The following ANKRD7 variants were observed in gnomAD, a reference collection of about 807,000 sequenced individuals.
ANKRD7 encodes ankyrin repeat domain 7, also known as ankyrin repeat domain-containing protein 7.
A neutral mutation model predicts 30.8 loss-of-function variants in ANKRD7; 30 were observed. The observed-to-expected ratio is 0.97, with a 90% confidence interval of 0.73 to 1.32. The LOEUF (loss-of-function observed/expected upper bound fraction) is 1.32. ANKRD7 is among the 40% of genes most tolerant of loss of function. The pLI is 0.00. For synonymous variants in ANKRD7, 97 were observed against 106.6 expected (o/e 0.91, Z 0.55); for missense variants, 264 against 295.7 (o/e 0.89, Z 0.79).
chr7:118,239,959 T>C lies in ANKRD7; in HGVS notation c.763T>C (p.Ter255GlnextTer9). 1.3e-6 allele frequency: 2 copies of C among 1,592,980 alleles called. No homozygotes were observed. Among genetic ancestry groups the C allele is most frequent in the Non-Finnish European group, 1.7e-6 (2 of 1,167,076 alleles). The part of the protein sequence containing the change: ...ASHGKKKHAK[*>Q] ...CCATGGAAAGAAGAAACATGCTAAA[T>C]AGACACCTTATTCTTGGCACTACAT... The change falls in exon 6 of 7, where the codon TAG becomes CAG. Residue 255 changes from the stop codon to glutamine (Q), a stop_lost. Transcript: ENST00000265224.
chr7:118,227,469 A>T (rs891658323), intron 1 of ANKRD7, among the ~76,000 whole-genome samples: 1 of 152,074 alleles, frequency 6.6e-6, no homozygotes, highest in Admixed American at 6.6e-5. Flanking sequence ...CTGGTTTTGT[A>T]TTCGCTCAGG....
chr7:118,226,887 C>T (rs1008703086), intron 1 of ANKRD7, among the ~76,000 whole-genome samples: 1 of 152,098 alleles, frequency 6.6e-6, no homozygotes, highest in African/African-American at 2.4e-5. Flanking sequence ...AGTTCAAACA[C>T]CTGCTGTTCA....
chr7:118,224,749 T>TG lies in ANKRD7; in HGVS notation c.-81dup, dbSNP rs1256904474. On this transcript the variant is annotated 5_prime_UTR_variant, in exon 1 of 7. It removes the in-frame stop codon of an upstream open reading frame in the 5' UTR. Coordinates refer to ENST00000265224, the MANE Select transcript of ANKRD7 (RefSeq NM_019644.4). ...GTACTGGAGAGGGCTGCCGGCCGGA[T>TG]GCCAGGGCAGAGGGGCAGGGCGGAC... is the stretch of plus-strand genomic sequence containing the variant. 11 of 1,528,022 alleles carry TG rather than the reference T, an allele frequency of 7.2e-6. No individual in the cohort carries two copies. The highest frequency in any genetic ancestry group is 7.9e-6 in the Non-Finnish European group (9 of 1,142,966). The allele number at this position is 1,528,022 out of a possible 1,614,324, so 94.7% of individuals were successfully genotyped here.
rs1809689091 is a variant in ANKRD7, at chr7:118,234,295, T to C, written c.180-136T>C. Reference sequence around the variant, plus strand: ...CAATAAAATGTAATTGTAATTAATGTACATTTGTTTAAATAGAAATATGTG... The same window carrying C: ...CAATAAAATGTAATTGTAATTAATGCACATTTGTTTAAATAGAAATATGTG... On this transcript the variant is annotated intron_variant, in intron 1 of 6. Coordinates refer to ENST00000265224, the MANE Select transcript of ANKRD7 (RefSeq NM_019644.4). The C allele has an allele frequency of 8.7e-6, 4 of 460,546 alleles. No individual in the cohort carries two copies. The East Asian group carries it at 1.3e-4, about 15-fold the overall frequency. The allele number at this position is 460,546 out of a possible 1,614,324, so 28.5% of individuals were successfully genotyped here.
intron 1 of ANKRD7, 134 bp downstream of exon 1, chr7:118,225,143 C>A (rs1167307914): frequency 2.9e-6 from 3 of 1,032,178 alleles, no homozygotes; most frequent in East Asian, 2.7e-5. Context: ...TGTCTGGTAA[C>A]CATTGGCAGA....
intron 3 of ANKRD7, among the ~76,000 whole-genome samples, chr7:118,235,751 G>A (rs1809717659): frequency 6.6e-6 from 1 of 152,018 alleles, no homozygotes; most frequent in Admixed American, 6.6e-5. Context: ...TGAATTGACA[G>A]TATGCAATGC....
chr7:118,232,130 G>A (rs921658237), intron 1 of ANKRD7, among the ~76,000 whole-genome samples: 6 of 152,052 alleles, frequency 3.9e-5, no homozygotes, highest in Admixed American at 3.9e-4. Context: ...TGGCCTCGAA[G>A]CATTTACATT....
At chr7:118,225,190 A>T (rs1047605830) in intron 1 of ANKRD7, among the ~76,000 whole-genome samples, 181 bp downstream of exon 1, 14 of 139,980 alleles carry the variant, frequency 1.0e-4, no homozygotes, top group African/African-American at 3.1e-4. Context: ...TATTTAATTT[A>T]AAAAAAAAAT....
chr7:118,232,984 A>G (rs1047670680), intron 1 of ANKRD7, among the ~76,000 whole-genome samples: 1 of 152,008 alleles, frequency 6.6e-6, no homozygotes, highest in African/African-American at 2.4e-5. Flanking sequence ...GAGGGCTCTG[A>G]AAACTCCTAT....
chr7:118,240,760 G>C (rs4727862), intron 6 of ANKRD7, among the ~76,000 whole-genome samples: 4,894 of 151,950 alleles, frequency 0.032, 131 homozygotes, highest in East Asian at 0.077. Flanking sequence ...TAAGATATAC[G>C]AATTAATTAT....
At chr7:118,234,399 C>T (rs778196508) in intron 1 of ANKRD7, 32 bp from the exon 2 acceptor site, 2 of 1,454,058 alleles carry the variant, frequency 1.4e-6, no homozygotes, top group Non-Finnish European at 1.9e-6. Context: ...GAAGACTTAT[C>T]TCTAACTTTG....
Position 118,234,760 on chromosome 7 carries a change from A to G in ANKRD7, c.354A>G (p.Pro118=), listed in dbSNP as rs745478485. 6.2e-7 allele frequency: 1 copy of G among 1,613,058 alleles called. No individual in the cohort carries two copies. The highest frequency in any genetic ancestry group is 1.7e-5 in the Admixed American group (1 of 59,828). The change falls in exon 3 of 7, where the codon CCA becomes CCG. Residue 118 remains proline, a synonymous_variant. Coordinates refer to ENST00000265224, the MANE Select transcript of ANKRD7 (RefSeq NM_019644.4). ...ATILLNFGAD[P]DLRDIRYNTV... ...TTCTTCTAAACTTTGGTGCAGACCC[A>G]GATCTGAGGGATATTCGTTATAATA...
At chr7:118,232,127 G>A (rs1414594707) in intron 1 of ANKRD7, among the ~76,000 whole-genome samples, 6 of 151,912 alleles carry the variant, frequency 3.9e-5, no homozygotes, top group Non-Finnish European at 5.9e-5. Context: ...TATTGGCCTC[G>A]AAGCATTTAC....
intron 6 of ANKRD7, among the ~76,000 whole-genome samples, chr7:118,241,726 A>G (rs1809850452): frequency 6.6e-6 from 1 of 151,534 alleles, no homozygotes; most frequent in Non-Finnish European, 1.5e-5. Flanking sequence ...TTTAGTAGAG[A>G]TGGGGTTTCA....
chr7:118,236,541 C>A (rs1291163160), intron 4 of ANKRD7, among the ~76,000 whole-genome samples: 1 of 152,158 alleles, frequency 6.6e-6, no homozygotes, highest in Non-Finnish European at 1.5e-5. Context: ...AAACACTAGG[C>A]TTCCAGGAAG....
At chr7:118,236,210 A>ATGTGTGTGTGTGTGTGTG (rs3993811) in intron 4 of ANKRD7, 63 bp downstream of exon 4, 6 of 605,908 alleles carry the variant, frequency 9.9e-6, no homozygotes, top group African/African-American at 9.5e-5. Flanking sequence ...GTGTGTGCGT[A>ATGTGTGTGTGTGTGTGTG]TGTGTGTGTG....
intron 5 of ANKRD7, chr7:118,239,691 T>A (rs1809791498): frequency 3.1e-6 from 1 of 318,102 alleles, no homozygotes. Flanking sequence ...AAAAAAATCA[T>A]ATTTGTGATA....
rs750600175 is a variant in ANKRD7, at chr7:118,234,701, G to T, written c.295G>T (p.Ala99Ser). 2 of 1,605,684 alleles carry T rather than the reference G, an allele frequency of 1.2e-6. No homozygotes were observed. Among genetic ancestry groups the T allele is most frequent in the African/African-American group, 1.3e-5 (1 of 74,494 alleles). Residue 99 changes from alanine to serine, a missense_variant and splice_region_variant, in exon 3 of 7, where the codon GCA becomes TCA. Coordinates refer to ENST00000265224, the MANE Select transcript of ANKRD7 (RefSeq NM_019644.4). ...TCATCTACTCTTGTTGCATTAACAG[G>T]CAGTACAGTGTCAAAATGAGGATTG... Reference protein sequence around the residue: ...DSENKSPLIKAVQCQNEDCAT... With the variant: ...DSENKSPLIKSVQCQNEDCAT...
At position 118,239,920 on chromosome 7, in the gene ANKRD7, C is replaced by A; in HGVS notation, c.724C>A (p.Gln242Lys). 6.3e-7 allele frequency: 1 copy of A among 1,594,474 alleles called. No individual in the cohort carries two copies. ...AATTTCCTTTATAGATAGATACCCA[C>A]AATTCACTGCGAGCCATGGAAAGAA... ...ISMVLLHRYP[Q>K]FTASHGKKKH... The change falls in exon 6 of 7, where the codon CAA becomes AAA. Residue 242 changes from glutamine (Q) to lysine (K), a missense_variant. Coordinates refer to ENST00000265224, the MANE Select transcript of ANKRD7 (RefSeq NM_019644.4).
Sources: gnomAD v4.1 joint callset for allele counts (sites outside exome capture counted in the v4.1 genomes callset) on GRCh38, gnomAD v4.1.1 for gene constraint, MANE v1.5 for transcripts, NCBI Gene and HGNC (gene_info 2026-07-23, HGNC 2026-07-21) for gene names.